Variants in FBXL17 observed in about 807,000 individuals in gnomAD.
The protein encoded by FBXL17 is F-box/LRR-repeat protein 17.
In FBXL17, 22 loss-of-function variants were observed where a neutral mutation model predicts 66.2. The observed-to-expected ratio is 0.33, with a 90% CI of 0.24 to 0.47. The LOEUF (loss-of-function observed/expected upper bound fraction) is 0.47. Among genes scored for constraint, FBXL17 ranks in the 20% least tolerant of loss-of-function variants. The pLI is 1.00. For synonymous variants in FBXL17, 474 were observed against 400.5 expected, an observed-to-expected ratio of 1.18 and a Z score of -2.19; for missense variants, 878 against 948.2, an observed-to-expected ratio of 0.93 and a Z score of 0.97.
rs191296314 is a variant in FBXL17, at chr5:108,193,501, T to C, written c.1615-7254A>G. On this transcript the variant is annotated intron_variant, in intron 5 of 8. Transcript: ENST00000542267. ...GTTCCCAAGCCTAGAAAGACTTCCATCCTTGAGAAGGTCTGTTATCTACAC... is the reference window on the plus strand; with the variant it reads ...GTTCCCAAGCCTAGAAAGACTTCCACCCTTGAGAAGGTCTGTTATCTACAC... 5.3e-5 allele frequency among the ~76,000 whole-genome samples: 8 copies of C among 152,122 alleles called. No homozygotes were observed. The East Asian group carries it at 1.5e-3, about 29-fold the overall frequency.
At chr5:108,307,034 T>C (rs954093462) in intron 4 of FBXL17, among the ~76,000 whole-genome samples, 2 of 152,038 alleles carry the variant, frequency 1.3e-5, no homozygotes, top group African/African-American at 4.8e-5. Context: ...ACCCAAAAAG[T>C]AATAGTCTGA....
At chr5:107,880,047 A>C (rs1748733741) in intron 8 of FBXL17, 1 of 367,876 alleles carries the variant, frequency 2.7e-6, no homozygotes, top group South Asian at 1.1e-4. Flanking sequence ...ACACCTGTGG[A>C]GTGCCTGGTG....
intron 6 of FBXL17, among the ~76,000 whole-genome samples, chr5:108,097,693 G>A (rs1376183065): frequency 6.6e-6 from 1 of 151,622 alleles, no homozygotes; most frequent in African/African-American, 2.4e-5. Flanking sequence ...GGAGCCTGGG[G>A]CAGGAGAATC....
At chr5:108,152,274 G>T (rs1465433402) in intron 6 of FBXL17, among the ~76,000 whole-genome samples, 1 of 152,194 alleles carries the variant, frequency 6.6e-6, no homozygotes, top group Non-Finnish European at 1.5e-5. Context: ...TAACGCTGCT[G>T]TTGTTTGATA....
chr5:108,139,493 A>G (rs561064621), intron 6 of FBXL17, among the ~76,000 whole-genome samples: 1 of 152,294 alleles, frequency 6.6e-6, no homozygotes, highest in East Asian at 1.9e-4. Context: ...ATGTGGACCG[A>G]TGCCACTACA....
chr5:108,243,461 A>G (rs996005982), intron 4 of FBXL17, among the ~76,000 whole-genome samples: 3 of 152,192 alleles, frequency 2.0e-5, no homozygotes, highest in African/African-American at 7.2e-5. Context: ...TGTCACACAC[A>G]TACACATTTG....
chr5:107,985,497 C>A (rs1257786045), intron 7 of FBXL17, among the ~76,000 whole-genome samples: 2 of 152,200 alleles, frequency 1.3e-5, no homozygotes, highest in Non-Finnish European at 2.9e-5. Flanking sequence ...GATATCTATT[C>A]TCTCTATGCC....
intron 7 of FBXL17, among the ~76,000 whole-genome samples, chr5:107,921,764 T>G (rs1372517346): frequency 6.6e-6 from 1 of 152,190 alleles, no homozygotes; most frequent in East Asian, 1.9e-4. Flanking sequence ...CTCCTCCCTC[T>G]GTCTAGAAAG....
chr5:107,914,009 G>T (rs546886815), intron 7 of FBXL17, among the ~76,000 whole-genome samples: 24 of 151,624 alleles, frequency 1.6e-4, no homozygotes, highest in Non-Finnish European at 2.7e-4. Context: ...TTCACACAAT[G>T]ATATAAGTAT....
chr5:108,295,878 T>G (rs994031929), intron 4 of FBXL17, among the ~76,000 whole-genome samples: 1 of 151,528 alleles, frequency 6.6e-6, no homozygotes, highest in Non-Finnish European at 1.5e-5. Context: ...GGAATTTAGA[T>G]TCGACTGTGT....
rs1418179992 is a variant in FBXL17, at chr5:108,139,278, T to C, written c.1745+46839A>G. ...TTACATAGAAAACAAGTTGTGTCCATTTAGCACCTGAGATACAGCATTCGC... is the reference window on the plus strand; with the variant it reads ...TTACATAGAAAACAAGTTGTGTCCACTTAGCACCTGAGATACAGCATTCGC... On this transcript the variant is annotated intron_variant, in intron 6 of 8. Transcript: ENST00000542267. Among the ~76,000 whole-genome samples the C allele has an allele frequency of 2.0e-5, 3 of 152,222 alleles. No homozygotes were observed. The East Asian group carries it at 5.8e-4, about 29-fold the overall frequency.
At chr5:108,151,201 C>T (rs286744) in intron 6 of FBXL17, among the ~76,000 whole-genome samples, 30,113 of 151,862 alleles carry the variant, frequency 0.2, 3,252 homozygotes, top group South Asian at 0.41. Flanking sequence ...ACTTGCTTCA[C>T]GGCTCCTATA....
intron 1 of FBXL17, among the ~76,000 whole-genome samples, chr5:108,379,319 T>C (rs1393904573): frequency 3.3e-5 from 5 of 152,228 alleles, no homozygotes; most frequent in Non-Finnish European, 7.3e-5. Context: ...TATTTATCCA[T>C]ATCACCCAGT....
intron 4 of FBXL17, among the ~76,000 whole-genome samples, chr5:108,258,892 T>C (rs374848686): frequency 1.3e-5 from 2 of 151,914 alleles, no homozygotes; most frequent in Non-Finnish European, 2.9e-5. Context: ...GAGAAACCAA[T>C]AGAAAAACTA....
intron 6 of FBXL17, among the ~76,000 whole-genome samples, chr5:108,057,907 G>C (rs950138028): frequency 1.2e-4 from 19 of 152,118 alleles, no homozygotes; most frequent in African/African-American, 4.3e-4. Flanking sequence ...TGTTATTTCA[G>C]TTTATCCATA....
intron 6 of FBXL17, among the ~76,000 whole-genome samples, chr5:108,166,079 G>A (rs1385849911): frequency 6.6e-6 from 1 of 152,094 alleles, no homozygotes; most frequent in Non-Finnish European, 1.5e-5. Flanking sequence ...CTTTCATACA[G>A]ATTAAAAAGT....
At chr5:107,890,554 T>C (rs150956992) in intron 7 of FBXL17, among the ~76,000 whole-genome samples, 20 of 151,712 alleles carry the variant, frequency 1.3e-4, no homozygotes, top group East Asian at 3.9e-4. Flanking sequence ...GTCCCAACTA[T>C]TGGGGAGGCT....
At chr5:108,101,723 G>C (rs1749608101) in intron 6 of FBXL17, among the ~76,000 whole-genome samples, 1 of 152,184 alleles carries the variant, frequency 6.6e-6, no homozygotes, top group Non-Finnish European at 1.5e-5. Context: ...AATAGTGCAT[G>C]GGCAGGGAAA....
At chr5:108,179,669 C>A (rs1029903843) in intron 6 of FBXL17, among the ~76,000 whole-genome samples, 1 of 152,176 alleles carries the variant, frequency 6.6e-6, no homozygotes, top group Non-Finnish European at 1.5e-5. Context: ...ACAAAGAGTG[C>A]ATTCTCTATT....
Sources: allele counts gnomAD v4.1 joint callset (sites outside exome capture counted in the v4.1 genomes callset), GRCh38; gene constraint gnomAD v4.1.1; transcripts MANE v1.5; gene names NCBI Gene and HGNC (gene_info 2026-07-23, HGNC 2026-07-21).